Variants in CTSW observed in about 807,000 individuals in gnomAD.
CTSW encodes lymphopain.
Under a neutral mutation model 43.8 loss-of-function variants are expected in CTSW, and 42 were observed. That is an observed-to-expected ratio of 0.96 (90% CI 0.75 to 1.24). CTSW has a LOEUF of 1.24. Among genes scored for constraint, CTSW ranks in the 50% most tolerant of loss-of-function variants. CTSW has a pLI of 0.00. For synonymous variants in CTSW, 191 were observed against 184.8 expected (o/e 1.03, Z -0.27); for missense variants, 475 against 479.9 (o/e 0.99, Z 0.09).
Position 65,883,069 on chromosome 11 carries a change from G to A in CTSW, c.746G>A (p.Arg249Lys), listed in dbSNP as rs1403236669. 2.5e-6 allele frequency: 4 copies of A among 1,614,004 alleles called. No homozygotes were observed. Among genetic ancestry groups the A allele is most frequent in the African/African-American group, 2.7e-5 (2 of 74,888 alleles). The change falls in exon 8 of 10, where the codon AGA becomes AAA. Residue 249 changes from arginine (R) to lysine (K), a missense_variant and splice_region_variant. Coordinates refer to ENST00000307886, the MANE Select transcript of CTSW (RefSeq NM_001335.4). ...GGTCTGATGATGTTCCTGTCCCCAG[G>A]AATTGCGCAGTACCTGGCCACTTAT... is the stretch of plus-strand genomic sequence containing the variant. ...DFIMLQNNEHRIAQYLATYGP... is the reference protein window; with the variant it reads ...DFIMLQNNEHKIAQYLATYGP...
At position 65,882,923 on chromosome 11, in the gene CTSW, C is replaced by T. The variant is rs1287186185; in HGVS notation, c.745+19C>T. 6.2e-7 allele frequency: 1 copy of T among 1,613,496 alleles called. No individual in the cohort carries two copies. The highest frequency in any genetic ancestry group is 1.7e-5 in the Admixed American group (1 of 60,014). On this transcript the variant is annotated intron_variant, in intron 7 of 9. Transcript: ENST00000307886. ...GAGCACAGTGCGGGCAGGGCAGGGA[C>T]ACGGGCGGATGGCAGGGACAGACAC...
chr11:65,880,639 T>C, intron 2 of CTSW: 1 of 239,796 alleles, frequency 4.2e-6, no homozygotes, highest in South Asian at 4.5e-5. Context: ...TTGTAATAGA[T>C]GAAGAAATCG....
intron 2 of CTSW, chr11:65,880,509 T>C (rs645043): frequency 0.97 from 367,603 of 380,236 alleles, 178,835 homozygotes; most frequent in South Asian, 1. Context: ...TTAGTAGAGA[T>C]GGGGTTTGAC....
rs1413276270 is a variant in CTSW at position 65,882,542 on chromosome 11, G to C, written c.538+16G>C. On this transcript the variant is annotated intron_variant, in intron 5 of 9. Transcript: ENST00000307886. The stretch of plus-strand genomic sequence containing the variant: ...TCCGTGCAGGGTAGGGTTGGGAGAG[G>C]GTGCGCGTGTGACAGGGGAGGGAGG... 2 of 1,614,120 alleles carry C rather than the reference G, an allele frequency of 1.2e-6. No homozygotes were observed. Among genetic ancestry groups the C allele is most frequent in the Admixed American group, 1.7e-5 (1 of 60,020 alleles).
At chr11:65,880,469 C>T (rs185091266) in intron 2 of CTSW, 183 bp downstream of exon 2, 30 of 477,720 alleles carry the variant, frequency 6.3e-5, no homozygotes, top group Middle Eastern at 5.0e-4. Flanking sequence ...TACAGGCATG[C>T]GCCACCACAC....
chr11:65,881,168 G>A (rs1274278806), intron 2 of CTSW, among the ~76,000 whole-genome samples: 4 of 152,224 alleles, frequency 2.6e-5, no homozygotes, highest in Admixed American at 2.0e-4. Flanking sequence ...CCCTTGCCTG[G>A]CTTCCCACCT....
intron 5 of CTSW, 21 bp from the exon 6 acceptor site, chr11:65,882,588 C>T: frequency 6.2e-7 from 1 of 1,614,200 alleles, no homozygotes; most frequent in South Asian, 1.1e-5. Flanking sequence ...TGGTCACCCA[C>T]ACTGTCCCTT....
Position 65,882,465 on chromosome 11 carries a change from A to G in CTSW, c.477A>G (p.Ala159=). ...ACTGCTGCTGGGCCATGGCAGCGGC[A>G]GGCAACATAGAGACCCTGTGGCGCA... ...NCNCCWAMAA[A]GNIETLWRIS... is the part of the protein sequence containing the mutation. Residue 159 remains alanine, a synonymous_variant, in exon 5 of 10, where the codon GCA becomes GCG. Transcript: ENST00000307886. 2.5e-6 allele frequency: 4 copies of G among 1,614,182 alleles called. No individual in the cohort carries two copies. The highest frequency in any genetic ancestry group is 3.4e-6 in the Non-Finnish European group (4 of 1,180,018).
At chr11:65,880,388 C>G in intron 2 of CTSW, 102 bp downstream of exon 2, 9 of 878,368 alleles carry the variant, frequency 1.0e-5, no homozygotes, top group Non-Finnish European at 1.4e-5. Flanking sequence ...ATGGTGTCAT[C>G]TTGGCTCACT....
intron 8 of CTSW, 37 bp downstream of exon 8, chr11:65,883,170 G>T (rs993852660): frequency 8.1e-6 from 13 of 1,613,654 alleles, no homozygotes; most frequent in African/African-American, 2.7e-5. Context: ...GGGCATACAG[G>T]AGACTTGGCC....
At position 65,883,120 on chromosome 11, in the gene CTSW, T is replaced by C. The variant is rs773658130; in HGVS notation, c.797T>C (p.Met266Thr). 4.3e-6 allele frequency: 7 copies of C among 1,614,016 alleles called. No individual in the cohort carries two copies. The highest frequency in any genetic ancestry group is 4.2e-6 in the Non-Finnish European group (5 of 1,179,992). ...TYGPITVTIN[M>T]KPLQLYRKGV... Reference sequence around the variant, plus strand: ...GGCCCCATCACCGTGACCATCAACATGAAGCCCCTTCAGGTGAGATGGGGG... The same window carrying C: ...GGCCCCATCACCGTGACCATCAACACGAAGCCCCTTCAGGTGAGATGGGGG... The change falls in exon 8 of 10, where the codon ATG (methionine) becomes ACG (threonine). Residue 266 changes from methionine (M) to threonine (T), a missense_variant. Met to Thr is a moderately conservative substitution (Grantham distance 81, BLOSUM62 -1). Transcript: ENST00000307886.
chr11:65,881,305 T>C, intron 2 of CTSW, 102 bp from the exon 3 acceptor site: 3 of 661,420 alleles, frequency 4.5e-6, no homozygotes, highest in Non-Finnish European at 7.5e-6. Context: ...AAGGAGCCAG[T>C]GCTCAACTGG....
intron 1 of CTSW, 118 bp from the exon 2 acceptor site, chr11:65,880,084 A>G: frequency 2.5e-6 from 3 of 1,220,904 alleles, no homozygotes; most frequent in African/African-American, 3.0e-5. Context: ...ACATGGGAAG[A>G]CAGAAAAGGC....
In CTSW at chr11:65,879,949, C is replaced by T; in HGVS notation, c.87+8C>T. 2 of 1,607,940 alleles carry T rather than the reference C, an allele frequency of 1.2e-6. No homozygotes were observed. Among genetic ancestry groups the T allele is most frequent in the Non-Finnish European group, 1.7e-6 (2 of 1,176,204 alleles). Reference sequence around the variant, plus strand: ...GGCCCCCTTAGGGCCCAGGTAAGTGCTCCCAAACCCTTACCTATGCCAGTC... The same window carrying T: ...GGCCCCCTTAGGGCCCAGGTAAGTGTTCCCAAACCCTTACCTATGCCAGTC... On this transcript the variant is annotated splice_region_variant and intron_variant, in intron 1 of 9. Coordinates refer to ENST00000307886, the MANE Select transcript of CTSW (RefSeq NM_001335.4).
chr11:65,883,402 G>T lies in CTSW; in HGVS notation c.998G>T (p.Trp333Leu). 1 of 1,614,034 alleles carries T rather than the reference G, an allele frequency of 6.2e-7. No individual in the cohort carries two copies. Among genetic ancestry groups the T allele is most frequent in the Non-Finnish European group, 8.5e-7 (1 of 1,179,982 alleles). The change falls in exon 9 of 10, where the codon TGG becomes TTG. Residue 333 changes from tryptophan (W) to leucine (L), a missense_variant. Physicochemically the swap from Trp to Leu is moderately conservative, Grantham distance 61. Transcript: ENST00000307886. ...CCATACTGGATCCTGAAGAACTCCT[G>T]GGGGGCCCAATGGGGAGAGAAGGTG... ...PTPYWILKNS[W>L]GAQWGEKGYF...
At chr11:65,880,978 G>A (rs183977594) in intron 2 of CTSW, among the ~76,000 whole-genome samples, 137 of 152,230 alleles carry the variant, frequency 9.0e-4, no homozygotes, top group African/African-American at 3.0e-3. Flanking sequence ...CTGCCCTCTC[G>A]CTGTGCTGAT....
rs185494956 is a variant in CTSW, at chr11:65,881,347, G to T, written c.173-60G>T. 9.9e-5 allele frequency: 121 copies of T among 1,224,104 alleles called. No individual in the cohort carries two copies. In the South Asian group the frequency reaches 1.6e-3, roughly 16 times the overall value. 75.8% of individuals were successfully genotyped at this position (1,224,104 alleles called of 1,614,324 possible). A position where few individuals can be genotyped will look rare whatever the true frequency, so the allele number is the denominator to read the frequency against. ...GTGGGTGGAAGGGTGCCCAGCCAGC[G>T]GCTACTTCCTGCCCCTAAGGGCTTG... On this transcript the variant is annotated intron_variant, in intron 2 of 9. Transcript: ENST00000307886.
chr11:65,880,080 G>T, intron 1 of CTSW, 122 bp from the exon 2 acceptor site: 2 of 1,212,382 alleles, frequency 1.6e-6, no homozygotes, highest in Admixed American at 3.8e-5. Context: ...GGGCACATGG[G>T]AAGACAGAAA....
At chr11:65,882,925 C>T (rs762247589) in intron 7 of CTSW, 21 bp downstream of exon 7, 60 of 1,613,238 alleles carry the variant, frequency 3.7e-5, no homozygotes, top group African/African-American at 5.3e-5. Flanking sequence ...GGCAGGGACA[C>T]GGGCGGATGG....
Sources: allele counts gnomAD v4.1 joint callset (sites outside exome capture counted in the v4.1 genomes callset), GRCh38; gene constraint gnomAD v4.1.1; transcripts MANE v1.5; gene names NCBI Gene and HGNC (gene_info 2026-07-23, HGNC 2026-07-21).